The following RRBP1 variants were observed in gnomAD, a reference collection of about 807,000 sequenced individuals.
RRBP1 encodes ribosome binding protein 1, also known as ribosome-binding protein 1.
Under a neutral mutation model 165.2 loss-of-function variants are expected in RRBP1, and 94 were observed. That is an observed-to-expected ratio of 0.57 (90% CI 0.48 to 0.68). RRBP1 has a LOEUF of 0.68. Among genes scored for constraint, RRBP1 ranks in the 30% least tolerant of loss-of-function variants. RRBP1 has a pLI of 0.00. For synonymous variants in RRBP1, 680 were observed against 714.5 expected (o/e 0.95, Z 0.77); for missense variants, 1,676 against 1,763.0 (o/e 0.95, Z 0.88).
At chr20:17,647,749 T>A (rs1427837133) in intron 3 of RRBP1, among the ~76,000 whole-genome samples, 1 of 152,072 alleles carries the variant, frequency 6.6e-6, no homozygotes, top group African/African-American at 2.4e-5. Flanking sequence ...AAACTCTCAT[T>A]TCCTAAGAGA....
chr20:17,642,887 A>G (rs964503579), intron 4 of RRBP1, 92 bp downstream of exon 4: 2 of 1,355,620 alleles, frequency 1.5e-6, no homozygotes, highest in East Asian at 2.3e-5. Context: ...AGGCTGTCCT[A>G]TGAATGTCCT....
At chr20:17,667,297 A>G (rs1210342676) in intron 2 of RRBP1, among the ~76,000 whole-genome samples, 1 of 152,164 alleles carries the variant, frequency 6.6e-6, no homozygotes, top group Non-Finnish European at 1.5e-5. Context: ...AACAATTTCG[A>G]TACAATTTAA....
chr20:17,621,801 C>T (rs145138078), intron 14 of RRBP1, 28 bp from the exon 15 acceptor site: 671 of 1,613,410 alleles, frequency 4.2e-4, no homozygotes, highest in Admixed American at 6.3e-4. Context: ...CGGTGAGACC[C>T]GGGGACATTC....
chr20:17,676,557 G>A (rs1221320805), intron 2 of RRBP1, among the ~76,000 whole-genome samples: 3 of 152,120 alleles, frequency 2.0e-5, no homozygotes, highest in Admixed American at 6.6e-5. Context: ...CGGTCACACC[G>A]GACAGCCCCC....
Position 17,643,242 on chromosome 20 carries a change from T to A in RRBP1, c.1913-115A>T. On this transcript the variant is annotated intron_variant, in intron 3 of 24. Coordinates refer to ENST00000377813, the MANE Select transcript of RRBP1 (RefSeq NM_001365613.2). The surrounding 1 kb of genome is among the most constrained non-coding windows in gnomAD (Gnocchi z 4.3). ...TCACAGCCACGAAGAGCTCTCTGAC[T>A]GCTTGGGGTCAGCAGGCTGAGCATG... 9.2e-7 allele frequency: 1 copy of A among 1,087,842 alleles called. No homozygotes were observed. 67.4% of individuals were successfully genotyped at this position (1,087,842 alleles called of 1,614,324 possible).
chr20:17,635,706 C>T (rs1450583061), intron 6 of RRBP1, 42 bp from the exon 7 acceptor site: 1 of 1,479,552 alleles, frequency 6.8e-7, no homozygotes, highest in East Asian at 2.3e-5. Flanking sequence ...AGCTCGGCCT[C>T]ACACACAGAA....
chr20:17,648,679 T>C (rs1269130101), intron 3 of RRBP1, among the ~76,000 whole-genome samples: 1 of 152,260 alleles, frequency 6.6e-6, no homozygotes, highest in Non-Finnish European at 1.5e-5. Context: ...TCTAATGGAA[T>C]TTAAAATATC....
Position 17,621,357 on chromosome 20 carries a change from CT to C in RRBP1, c.3414+100del. 3 of 837,966 alleles carry C rather than the reference CT, an allele frequency of 3.6e-6. 1 individual carries two copies. Among genetic ancestry groups the C allele is most frequent in the Non-Finnish European group, 5.8e-6 (3 of 521,224 alleles). 51.9% of individuals were successfully genotyped at this position (837,966 alleles called of 1,614,324 possible). A position where few individuals can be genotyped will look rare whatever the true frequency, so the allele number is the denominator to read the frequency against. ...GGCCCAGAGTCACAAGGCCAGTGGG[CT>C]TTTCCAAAACACCAGGCCACCTCCT... On this transcript the variant is annotated intron_variant, in intron 16 of 24. Transcript: ENST00000377813.
chr20:17,614,644 C>T (rs2035756551), intron 24 of RRBP1, 93 bp downstream of exon 24: 18 of 1,510,568 alleles, frequency 1.2e-5, no homozygotes, highest in African/African-American at 4.1e-5. Context: ...AGCAGCTTGA[C>T]GACTCCGCCC....
intron 3 of RRBP1, among the ~76,000 whole-genome samples, chr20:17,647,684 A>G (rs904674983): frequency 1.3e-5 from 2 of 152,172 alleles, no homozygotes; most frequent in African/African-American, 4.8e-5. Flanking sequence ...GGACTCTGGC[A>G]ATGGAACCTG....
At chr20:17,675,099 G>C (rs537945638) in intron 2 of RRBP1, among the ~76,000 whole-genome samples, 5 of 152,360 alleles carry the variant, frequency 3.3e-5, no homozygotes, top group East Asian at 1.9e-4. Flanking sequence ...TCCCAGGAGA[G>C]AGCCAACATC....
intron 5 of RRBP1, among the ~76,000 whole-genome samples, chr20:17,639,064 C>T (rs1308040441): frequency 6.6e-6 from 1 of 152,256 alleles, no homozygotes; most frequent in Non-Finnish European, 1.5e-5. Context: ...AGGACGGGGC[C>T]AGTCCGAGGC....
chr20:17,635,673 T>A lies in RRBP1; in HGVS notation c.2338-9A>T, dbSNP rs1283110153. On this transcript the variant is annotated splice_polypyrimidine_tract_variant and intron_variant, in intron 6 of 24. Coordinates refer to ENST00000377813, the MANE Select transcript of RRBP1 (RefSeq NM_001365613.2). ...TCCTGAAGAGTCCGGATCTGGAAAG[T>A]CACGGGCAAGGGCATCAGAGGCAGC... 1 of 1,610,628 alleles carries A rather than the reference T, an allele frequency of 6.2e-7. No individual in the cohort carries two copies. The highest frequency in any genetic ancestry group is 1.3e-5 in the African/African-American group (1 of 74,826).
chr20:17,650,293 G>GAA (rs1272999112), intron 3 of RRBP1, among the ~76,000 whole-genome samples: 1 of 152,202 alleles, frequency 6.6e-6, no homozygotes, highest in Non-Finnish European at 1.5e-5. Flanking sequence ...AACGTGGCAA[G>GAA]AATGGGCCTC....
chr20:17,658,841 T>C lies in RRBP1; in HGVS notation c.1667A>G (p.Gln556Arg), dbSNP rs2036694323. ...TGTAATACCCTCTACCTTTGTGCCCTGATTAGCAACCGAATCTGCCTTTTT... is the reference window on the plus strand; with the variant it reads ...TGTAATACCCTCTACCTTTGTGCCCCGATTAGCAACCGAATCTGCCTTTTT... ...QGKKADSVANQGTKVEGITNQ... is the reference protein window; with the variant it reads ...QGKKADSVANRGTKVEGITNQ... The change falls in exon 3 of 25, where the codon CAG becomes CGG. Residue 556 changes from glutamine to arginine, a missense_variant. Around this residue, in one of 5 missense-constraint regions of RRBP1, gnomAD observed 1,184 missense variants for 1,167.1 expected, o/e 1.01. Transcript: ENST00000377813. 6.2e-7 allele frequency: 1 copy of C among 1,614,014 alleles called. No individual in the cohort carries two copies. The highest frequency in any genetic ancestry group is 8.5e-7 in the Non-Finnish European group (1 of 1,179,902).
intron 2 of RRBP1, among the ~76,000 whole-genome samples, chr20:17,663,174 G>C (rs536672712): frequency 6.6e-6 from 1 of 152,314 alleles, no homozygotes; most frequent in Non-Finnish European, 1.5e-5. Flanking sequence ...GGCACTGGTT[G>C]CAGACCGTGA....
chr20:17,663,080 G>A (rs142798743), intron 2 of RRBP1, among the ~76,000 whole-genome samples: 2 of 152,246 alleles, frequency 1.3e-5, no homozygotes, highest in Non-Finnish European at 2.9e-5. Flanking sequence ...AGGGGCCTGG[G>A]TCACCCTCAC....
intron 16 of RRBP1, among the ~76,000 whole-genome samples, chr20:17,621,249 C>T (rs965397100): frequency 2.0e-5 from 3 of 152,194 alleles, no homozygotes; most frequent in Non-Finnish European, 4.4e-5. Context: ...CGGCCCCGAA[C>T]CTTCAACTTG....
chr20:17,657,302 C>T lies in RRBP1; in HGVS notation c.1912+1294G>A, dbSNP rs539604018. Among the ~76,000 whole-genome samples the T allele has an allele frequency of 5.9e-5, 9 of 152,322 alleles. No individual in the cohort carries two copies. The East Asian group carries it at 1.2e-3, about 20-fold the overall frequency. ...CTGGCTTCCCACAGGAGCCTACAGC[C>T]GCTCACAGGGGACAGGGCCTCTCAC... On this transcript the variant is annotated intron_variant, in intron 3 of 24. Coordinates refer to ENST00000377813, the MANE Select transcript of RRBP1 (RefSeq NM_001365613.2).
Sources: gnomAD v4.1 joint callset for allele counts (sites outside exome capture counted in the v4.1 genomes callset) on GRCh38, gnomAD v4.1.1 for gene constraint, gnomAD v4.1.1 regional missense constraint, Gnocchi (gnomAD v3.1) non-coding constraint, MANE v1.5 for transcripts, NCBI Gene and HGNC (gene_info 2026-07-23, HGNC 2026-07-21) for gene names.